ICA1L: variants seen among roughly 807,000 people sequenced by gnomAD.
ICA1L encodes the protein islet cell autoantigen 1 like, also known as islet cell autoantigen 1-like protein.
Under a neutral mutation model 61.3 loss-of-function variants are expected in ICA1L, and 50 were observed. That is an observed-to-expected ratio of 0.82 (90% CI 0.65 to 1.03). The LOEUF (loss-of-function observed/expected upper bound fraction) is 1.03, where lower values mean the gene tolerates loss of function less well. Among genes scored for constraint, ICA1L ranks in the 50% least tolerant of loss-of-function variants. The pLI is 0.00. For synonymous variants in ICA1L, 161 were observed against 191.3 expected (o/e 0.84, Z 1.31); for missense variants, 508 against 556.7 (o/e 0.91, Z 0.88).
chr2:202,833,084 G>GA (rs138628131), intron 1 of ICA1L, among the ~76,000 whole-genome samples: 4 of 149,972 alleles, frequency 2.7e-5, no homozygotes, highest in Non-Finnish European at 5.9e-5. Context: ...TCTATATAGG[G>GA]AAAAAAAAAG....
At chr2:202,823,707 T>G (rs1693759256) in intron 3 of ICA1L, among the ~76,000 whole-genome samples, 1 of 152,206 alleles carries the variant, frequency 6.6e-6, no homozygotes, top group Non-Finnish European at 1.5e-5. Context: ...TATAAATCCT[T>G]TAAGTTTTAC....
intron 1 of ICA1L, among the ~76,000 whole-genome samples, chr2:202,837,298 G>GC (rs1478546204): frequency 6.8e-6 from 1 of 147,502 alleles, no homozygotes; most frequent in Non-Finnish European, 1.5e-5. Flanking sequence ...TTTTGTTTTT[G>GC]TTTTTTTGAG....
chr2:202,789,802 A>G (rs1270176104), intron 10 of ICA1L, among the ~76,000 whole-genome samples: 2 of 152,240 alleles, frequency 1.3e-5, no homozygotes, highest in African/African-American at 4.8e-5. Flanking sequence ...ATAGAAGACC[A>G]TTGGTTTGGA....
At chr2:202,807,770 A>G (rs1045659852) in intron 9 of ICA1L, among the ~76,000 whole-genome samples, 31 of 152,218 alleles carry the variant, frequency 2.0e-4, no homozygotes, top group African/African-American at 7.2e-4. Flanking sequence ...TGCAACTTGG[A>G]TACCAGCTCA....
intron 1 of ICA1L, among the ~76,000 whole-genome samples, chr2:202,842,863 AAAT>A (rs1482954476): frequency 6.6e-6 from 1 of 152,132 alleles, no homozygotes; most frequent in Non-Finnish European, 1.5e-5. Context: ...GTATGTTTTG[AAAT>A]AATCTGTCTT....
rs916466654 is a variant in ICA1L at position 202,779,610 on chromosome 2, T to G, written c.1372A>C (p.Asn458His). ...NGNQDMSAWFNLFADLDPLSN... is the reference protein window; with the variant it reads ...NGNQDMSAWFHLFADLDPLSN... Reference sequence around the variant, plus strand: ...AGTGGATCCAAGTCTGCAAACAGATTGAACCAGGCTGACATGTCTTGGTTG... The same window carrying G: ...AGTGGATCCAAGTCTGCAAACAGATGGAACCAGGCTGACATGTCTTGGTTG... The change falls in exon 13 of 13, where the codon AAT becomes CAT. Residue 458 changes from asparagine (N) to histidine (H), a missense_variant. Asn to His is a moderately conservative substitution (Grantham distance 68). Coordinates refer to ENST00000358299, the MANE Select transcript of ICA1L (RefSeq NM_001288622.3). The G allele has an allele frequency of 1.2e-6, 2 of 1,613,294 alleles. No homozygotes were observed. Among genetic ancestry groups the G allele is most frequent in the Admixed American group, 1.7e-5 (1 of 59,748 alleles).
At chr2:202,795,073 C>CT (rs59752090) in intron 10 of ICA1L, among the ~76,000 whole-genome samples, 89 of 97,078 alleles carry the variant, frequency 9.2e-4, no homozygotes, top group Middle Eastern at 7.1e-3. Context: ...GTTTCCTTTT[C>CT]TTTTTTTTTT....
At position 202,776,131 on chromosome 2, in the gene ICA1L, T is replaced by C. The variant is rs1275832740; in HGVS notation, c.*3402A>G. ...GTTAAAATACAAAACACTTTTTCAG[T>C]GTGCAAATACTGAAACCTGTTTGTT... On this transcript the variant is annotated 3_prime_UTR_variant, in exon 13 of 13. Transcript: ENST00000358299. The C allele has an allele frequency of 6.6e-6, 1 of 152,246 alleles. No homozygotes were observed. Among genetic ancestry groups the C allele is most frequent in the Non-Finnish European group, 1.5e-5 (1 of 68,044 alleles). The allele number at this position is 152,246 out of a possible 1,614,324, so 9.4% of individuals were successfully genotyped here. A position where few individuals can be genotyped will look rare whatever the true frequency, so the allele number is the denominator to read the frequency against.
intron 12 of ICA1L, among the ~76,000 whole-genome samples, chr2:202,782,288 T>A (rs1182053728): frequency 6.6e-6 from 1 of 152,074 alleles, no homozygotes; most frequent in Non-Finnish European, 1.5e-5. Context: ...GAGGTTACAG[T>A]GAGCCAAGAT....
chr2:202,817,550 T>TA lies in ICA1L; in HGVS notation c.559-8dup. 6.3e-7 allele frequency: 1 copy of TA among 1,583,322 alleles called. No individual in the cohort carries two copies. Among genetic ancestry groups the TA allele is most frequent in the Non-Finnish European group, 8.6e-7 (1 of 1,157,468 alleles). ...TTCTCACTTGCATCTGTACCTGCAA[T>TA]AAAAATGCTAATTTTTATTACAGAT... On this transcript the variant is annotated splice_region_variant and splice_polypyrimidine_tract_variant and intron_variant, in intron 5 of 12. Coordinates refer to ENST00000358299, the MANE Select transcript of ICA1L (RefSeq NM_001288622.3).
chr2:202,776,075 AT>A lies in ICA1L; in HGVS notation c.*3457del. On this transcript the variant is annotated 3_prime_UTR_variant, in exon 13 of 13. Transcript: ENST00000358299. ...TGCTGTAAGACCTCTACATTTCTAG[AT>A]GGTCTATACAGATACGTGAAATATT... The A allele has an allele frequency of 6.6e-6, 1 of 152,372 alleles. No homozygotes were observed. The highest frequency in any genetic ancestry group is 1.9e-4 in the East Asian group (1 of 5,194). The allele number at this position is 152,372 out of a possible 1,614,324, so 9.4% of individuals were successfully genotyped here. A position where few individuals can be genotyped will look rare whatever the true frequency, so the allele number is the denominator to read the frequency against.
chr2:202,841,352 G>A, intron 1 of ICA1L: 1 of 821,350 alleles, frequency 1.2e-6, no homozygotes, highest in Admixed American at 1.7e-5. Context: ...GGCTGTTGAT[G>A]TAGCTCTCGA....
chr2:202,865,427 C>T (rs1431890257), intron 1 of ICA1L, among the ~76,000 whole-genome samples: 2 of 151,352 alleles, frequency 1.3e-5, no homozygotes, highest in Admixed American at 6.6e-5. Flanking sequence ...CGAGAGTGCA[C>T]CACTGTACTC....
At chr2:202,871,033 G>A (rs1671662200) in intron 1 of ICA1L, 1 of 152,234 alleles carries the variant, frequency 6.6e-6, no homozygotes, top group South Asian at 2.1e-4. Flanking sequence ...GCCCCTCGCG[G>A]GCCCGTGCAT....
intron 8 of ICA1L, among the ~76,000 whole-genome samples, chr2:202,812,402 C>A (rs925035426): frequency 6.6e-6 from 1 of 152,070 alleles, no homozygotes; most frequent in African/African-American, 2.4e-5. Context: ...CGTGGTGAAA[C>A]CCTGTCTCTA....
intron 10 of ICA1L, among the ~76,000 whole-genome samples, chr2:202,792,824 T>A (rs1692797304): frequency 6.6e-6 from 1 of 151,810 alleles, no homozygotes; most frequent in South Asian, 2.1e-4. Flanking sequence ...AAAAAAATAA[T>A]AATAAACTAC....
chr2:202,867,943 T>C lies in ICA1L; in HGVS notation c.-8+3676A>G, dbSNP rs576436734. ...TTCAAAATGGCCAAAAATTAGAATATCTATTAACAGGTGAATAAACAAATT... is the reference window on the plus strand; with the variant it reads ...TTCAAAATGGCCAAAAATTAGAATACCTATTAACAGGTGAATAAACAAATT... On this transcript the variant is annotated intron_variant, in intron 1 of 12. Coordinates refer to ENST00000358299, the MANE Select transcript of ICA1L (RefSeq NM_001288622.3). 2.6e-4 allele frequency among the ~76,000 whole-genome samples: 39 copies of C among 152,296 alleles called. 1 individual carries two copies. In the South Asian group the frequency reaches 7.7e-3, roughly 30 times the overall value.
rs139471256 is a variant in ICA1L at position 202,864,647 on chromosome 2, G to A, written c.-8+6972C>T. 2.7e-3 allele frequency among the ~76,000 whole-genome samples: 399 copies of A among 148,750 alleles called. 8 individuals carry two copies. The East Asian group carries it at 0.039, about 15-fold the overall frequency. ...TATATATGTGTGTGTGTGTGTGTGT[G>A]TATATATATATATGGATAAAACATG... On this transcript the variant is annotated intron_variant, in intron 1 of 12. Coordinates refer to ENST00000358299, the MANE Select transcript of ICA1L (RefSeq NM_001288622.3).
Position 202,779,485 on chromosome 2 carries a change from T to C in ICA1L, c.*48A>G. Reference sequence around the variant, plus strand: ...AAATCCTTTCCACGAAGGAAATACGTTGCAAAATTGATGTCTCAAGGCCAC... The same window carrying C: ...AAATCCTTTCCACGAAGGAAATACGCTGCAAAATTGATGTCTCAAGGCCAC... On this transcript the variant is annotated 3_prime_UTR_variant, in exon 13 of 13. Transcript: ENST00000358299. The C allele has an allele frequency of 8.9e-7, 1 of 1,128,160 alleles. No individual in the cohort carries two copies. The highest frequency in any genetic ancestry group is 1.3e-5 in the South Asian group (1 of 75,772). The allele number at this position is 1,128,160 out of a possible 1,614,324, so 69.9% of individuals were successfully genotyped here.
Sources: allele counts gnomAD v4.1 joint callset (sites outside exome capture counted in the v4.1 genomes callset), GRCh38; gene constraint gnomAD v4.1.1; transcripts MANE v1.5; gene names NCBI Gene and HGNC (gene_info 2026-07-23, HGNC 2026-07-21).